HTR7: variants seen among roughly 807,000 people sequenced by gnomAD.
HTR7 encodes 5-HT-7.
HTR7 carries 16 observed loss-of-function variants against 34.0 expected under a neutral mutation model. The ratio of observed to expected loss-of-function variants is 0.47; its 90% CI spans 0.32 to 0.71. HTR7 has a LOEUF of 0.71. HTR7 is among the 30% of genes least tolerant of loss of function. HTR7 has a pLI of 0.04. For synonymous variants in HTR7, 265 were observed against 260.2 expected, an observed-to-expected ratio of 1.02 and a Z score of -0.18; for missense variants, 504 against 625.5, an observed-to-expected ratio of 0.81 and a Z score of 2.07.
At chr10:90,797,405 G>T (rs1249489162) in intron 1 of HTR7, among the ~76,000 whole-genome samples, 5 of 151,990 alleles carry the variant, frequency 3.3e-5, no homozygotes, top group African/African-American at 9.7e-5. Context: ...TCTGACAACT[G>T]GGAAACCAGA....
chr10:90,769,244 C>A (rs1400144709), intron 1 of HTR7, among the ~76,000 whole-genome samples: 1 of 152,216 alleles, frequency 6.6e-6, no homozygotes, highest in East Asian at 1.9e-4. Flanking sequence ...CCTGGGTAAG[C>A]TTTGAGTAAG....
At chr10:90,822,277 G>A (rs1170491505) in intron 1 of HTR7, among the ~76,000 whole-genome samples, 4 of 152,190 alleles carry the variant, frequency 2.6e-5, no homozygotes, top group African/African-American at 4.8e-5. Context: ...CTCAGATGGA[G>A]ATGAGGAACT....
intron 1 of HTR7, among the ~76,000 whole-genome samples, chr10:90,812,251 T>C (rs1845823479): frequency 6.6e-6 from 1 of 152,156 alleles, no homozygotes. Context: ...TCATCCCTAC[T>C]ATCTTCTGTC....
intron 1 of HTR7, among the ~76,000 whole-genome samples, chr10:90,802,435 T>C (rs1845641521): frequency 6.6e-6 from 1 of 152,196 alleles, no homozygotes; most frequent in Non-Finnish European, 1.5e-5. Flanking sequence ...ATCACGGGGA[T>C]TGCTTCCTCT....
At chr10:90,754,282 C>T (rs115754186) in intron 1 of HTR7, among the ~76,000 whole-genome samples, 1,849 of 151,976 alleles carry the variant, frequency 0.012, 44 homozygotes, top group African/African-American at 0.042. Context: ...CCTTTAAAAT[C>T]CCATAATTAC....
chr10:90,852,149 G>A (rs555254257), intron 1 of HTR7, among the ~76,000 whole-genome samples: 39 of 149,954 alleles, frequency 2.6e-4, no homozygotes, highest in African/African-American at 8.7e-4. Flanking sequence ...ACTTGAGGCC[G>A]GGAGTTCAAG....
intron 1 of HTR7, among the ~76,000 whole-genome samples, chr10:90,773,318 CT>C (rs1032469434): frequency 1.1e-4 from 17 of 151,110 alleles, no homozygotes; most frequent in East Asian, 7.8e-4. Flanking sequence ...AGGTGTCATT[CT>C]TTTTTTTTAT....
intron 1 of HTR7, among the ~76,000 whole-genome samples, chr10:90,831,015 C>T (rs1406247276): frequency 6.6e-6 from 1 of 152,176 alleles, no homozygotes; most frequent in African/African-American, 2.4e-5. Flanking sequence ...CACTTACTCT[C>T]TATACCGTGG....
chr10:90,764,028 C>T (rs372932994), intron 1 of HTR7, among the ~76,000 whole-genome samples: 1 of 152,154 alleles, frequency 6.6e-6, no homozygotes, highest in Admixed American at 6.5e-5. Context: ...CTTGAGGAAT[C>T]GCCACACTGT....
intron 1 of HTR7, among the ~76,000 whole-genome samples, chr10:90,793,063 A>G (rs182500291): frequency 1.4e-3 from 215 of 152,330 alleles, no homozygotes; most frequent in Non-Finnish European, 2.5e-3. Context: ...GAAGAAACAG[A>G]ACTTTAAAAC....
At chr10:90,772,359 A>G (rs991284547) in intron 1 of HTR7, among the ~76,000 whole-genome samples, 54 of 152,338 alleles carry the variant, frequency 3.5e-4, no homozygotes, top group African/African-American at 1.2e-3. Context: ...TTATAGTCTA[A>G]TAATTTCAAT....
chr10:90,760,956 A>G (rs1367812299), intron 1 of HTR7, among the ~76,000 whole-genome samples: 5 of 152,190 alleles, frequency 3.3e-5, no homozygotes, highest in African/African-American at 1.2e-4. Flanking sequence ...TAAATGAAAA[A>G]ATAGTAGCTC....
Position 90,791,666 on chromosome 10 carries a change from A to G in HTR7, c.540-42072T>C, listed in dbSNP as rs184878860. ...CACATATACTATGTCAAATGAGCCC[A>G]GAGAAGAATTTTTAAGGTTAATTGT... On this transcript the variant is annotated intron_variant, in intron 1 of 3. Coordinates refer to ENST00000336152, the MANE Select transcript of HTR7 (RefSeq NM_019859.4). Among the ~76,000 whole-genome samples, 19 of 152,294 alleles carry G rather than the reference A, an allele frequency of 1.2e-4. 1 individual carries two copies. The highest frequency in any genetic ancestry group is 1.5e-5 in the Non-Finnish European group (1 of 67,988).
intron 1 of HTR7, among the ~76,000 whole-genome samples, chr10:90,772,214 T>C (rs897258407): frequency 1.3e-5 from 2 of 152,226 alleles, no homozygotes; most frequent in Admixed American, 6.5e-5. Context: ...TCATTAGATA[T>C]AGAGTTTATT....
rs1844705683 is a variant in HTR7, at chr10:90,749,727, G to T, written c.540-133C>A. 2.6e-6 allele frequency: 2 copies of T among 770,270 alleles called. No individual in the cohort carries two copies. Among genetic ancestry groups the T allele is most frequent in the Admixed American group, 5.4e-5 (2 of 37,176 alleles). The allele number at this position is 770,270 out of a possible 1,614,324, so 47.7% of individuals were successfully genotyped here. ...AGGTAGGCATCATTACTCCCATTTT[G>T]CAGAAAGGTAAACTAAGGCTCTGAG... is the stretch of plus-strand genomic sequence containing the variant. On this transcript the variant is annotated intron_variant, in intron 1 of 3. Coordinates refer to ENST00000336152, the MANE Select transcript of HTR7 (RefSeq NM_019859.4). The surrounding 1 kb of genome is among the most constrained non-coding windows in gnomAD (Gnocchi z 4.2).
intron 1 of HTR7, among the ~76,000 whole-genome samples, chr10:90,767,786 T>C (rs1845046302): frequency 6.6e-6 from 1 of 152,138 alleles, no homozygotes; most frequent in African/African-American, 2.4e-5. Flanking sequence ...CTTCTTAGCA[T>C]AGTTAGCCTA....
intron 1 of HTR7, among the ~76,000 whole-genome samples, chr10:90,767,682 AC>A (rs1178186635): frequency 6.6e-6 from 1 of 152,070 alleles, no homozygotes; most frequent in Non-Finnish European, 1.5e-5. Flanking sequence ...TTCCACCTTT[AC>A]TGCTTGGAAA....
At chr10:90,848,135 C>G (rs1207990165) in intron 1 of HTR7, among the ~76,000 whole-genome samples, 3 of 137,986 alleles carry the variant, frequency 2.2e-5, no homozygotes, top group South Asian at 2.3e-4. Flanking sequence ...ATGGCGCGAT[C>G]TCGGCTCACC....
At chr10:90,815,836 T>C (rs1353132688) in intron 1 of HTR7, among the ~76,000 whole-genome samples, 1 of 152,220 alleles carries the variant, frequency 6.6e-6, no homozygotes, top group Non-Finnish European at 1.5e-5. Context: ...TTCTGTACTT[T>C]GATAGCCCTT....
Sources: gnomAD v4.1 joint callset for allele counts (sites outside exome capture counted in the v4.1 genomes callset) on GRCh38, gnomAD v4.1.1 for gene constraint, Gnocchi (gnomAD v3.1) non-coding constraint, MANE v1.5 for transcripts, NCBI Gene and HGNC (gene_info 2026-07-23, HGNC 2026-07-21) for gene names.